The following SNED1 variants were observed in gnomAD, a reference collection of about 807,000 sequenced individuals.
SNED1 encodes sushi, nidogen and EGF-like domain-containing protein 1.
In SNED1, 81 loss-of-function variants were observed where a neutral mutation model predicts 166.7. The ratio of observed to expected loss-of-function variants is 0.49; its 90% CI spans 0.41 to 0.58. The LOEUF is 0.58. SNED1 is among the 20% of genes least tolerant of loss of function. The pLI is 0.00. For missense variants in SNED1, 1,604 were observed against 2,000.2 expected, an observed-to-expected ratio of 0.80 and a Z score of 3.78; for synonymous variants, 762 against 822.0, an observed-to-expected ratio of 0.93 and a Z score of 1.25.
At chr2:241,012,928 T>C (rs1162380548) in intron 1 of SNED1, among the ~76,000 whole-genome samples, 2 of 151,160 alleles carry the variant, frequency 1.3e-5, no homozygotes, top group East Asian at 2.0e-4. Flanking sequence ...CTCCGCCTCC[T>C]GGGTTCACGC....
chr2:241,090,524 C>G (rs2125349576), intron 31 of SNED1: 3 of 1,417,030 alleles, frequency 2.1e-6, no homozygotes, highest in Non-Finnish European at 2.8e-6. Context: ...ATTATGTACT[C>G]TACATAATTG....
chr2:241,071,578 C>T lies in SNED1; in HGVS notation c.3592C>T (p.Pro1198Ser). 2 of 1,584,958 alleles carry T rather than the reference C, an allele frequency of 1.3e-6. No individual in the cohort carries two copies. Among genetic ancestry groups the T allele is most frequent in the Non-Finnish European group, 8.5e-7 (1 of 1,173,108 alleles). ...EPAHLYIITSPRDGADRRWHQ... is the reference protein window; with the variant it reads ...EPAHLYIITSSRDGADRRWHQ... The stretch of plus-strand genomic sequence containing the variant: ...CCTTCCTCCTGCCTGCTCTGCAGCC[C>T]CCAGGGATGGCGCTGACAGACGCTG... Residue 1198 changes from proline to serine, a missense_variant and splice_region_variant, in exon 25 of 32, where the codon CCC (proline) becomes TCC (serine). Physicochemically the swap from Pro to Ser is moderately conservative, Grantham distance 74 (BLOSUM62 -1). Around this residue, in one of 2 missense-constraint regions of SNED1, gnomAD observed 367 missense variants for 379.4 expected, o/e 0.97. Coordinates refer to ENST00000310397, the MANE Select transcript of SNED1 (RefSeq NM_001080437.3).
intron 1 of SNED1, among the ~76,000 whole-genome samples, chr2:241,021,824 T>C (rs1038053031): frequency 3.9e-5 from 6 of 152,356 alleles, no homozygotes; most frequent in Admixed American, 1.3e-4. Flanking sequence ...TATTAATTCT[T>C]TGTTTAATTA....
At chr2:241,056,682 G>A (rs998008228) in intron 16 of SNED1, among the ~76,000 whole-genome samples, 10 of 143,272 alleles carry the variant, frequency 7.0e-5, no homozygotes, top group South Asian at 4.5e-4. Flanking sequence ...CTGGGTTCAC[G>A]CCATTCTCCT....
rs1408780045 is a variant in SNED1, at chr2:241,069,192, T to C, written c.3307+169T>C. Among the ~76,000 whole-genome samples, 5 of 152,194 alleles carry C rather than the reference T, an allele frequency of 3.3e-5. No individual in the cohort carries two copies. The highest frequency in any genetic ancestry group is 7.3e-5 in the Non-Finnish European group (5 of 68,028). Reference sequence around the variant, plus strand: ...GGCCACTGGGCAGGAGCCGCTGGGCTGGGCTGGGCCCTTGTGCTGGGACAG... The same window carrying C: ...GGCCACTGGGCAGGAGCCGCTGGGCCGGGCTGGGCCCTTGTGCTGGGACAG... On this transcript the variant is annotated intron_variant, in intron 23 of 31. Transcript: ENST00000310397. The surrounding 1 kb of genome is among the most constrained non-coding windows in gnomAD (Gnocchi z 4.9).
At chr2:241,049,984 C>G (rs1361040436) in intron 12 of SNED1, 51 bp downstream of exon 12, 1 of 1,326,244 alleles carries the variant, frequency 7.5e-7, no homozygotes, top group Admixed American at 1.7e-5. Flanking sequence ...GGAGAGCGCC[C>G]GCGGTCCGCC....
rs1463186575 is a variant in SNED1, at chr2:241,051,330, A to G, written c.1736-414A>G. The G allele has an allele frequency of 5.8e-6, 1 of 173,738 alleles. No individual in the cohort carries two copies. The highest frequency in any genetic ancestry group is 1.5e-4 in the East Asian group (1 of 6,460). The allele number at this position is 173,738 out of a possible 1,614,324, so 10.8% of individuals were successfully genotyped here. A position where few individuals can be genotyped will look rare whatever the true frequency, so the allele number is the denominator to read the frequency against. ...CAATGCCAATGCAGGTACAGAACAC[A>G]CAGAAATCCAGATTGACTGCTGGGG... is the stretch of plus-strand genomic sequence containing the variant. On this transcript the variant is annotated intron_variant, in intron 12 of 31. Transcript: ENST00000310397. This position sits in a 1 kb window ranked among gnomAD's most constrained non-coding sequence, Gnocchi z 4.7.
At position 241,069,781 on chromosome 2, in the gene SNED1, C is replaced by G. The variant is rs1034312000; in HGVS notation, c.3308-139C>G. The G allele has an allele frequency of 2.3e-5, 23 of 980,306 alleles. No homozygotes were observed. Among genetic ancestry groups the G allele is most frequent in the Non-Finnish European group, 3.4e-5 (23 of 674,672 alleles). 60.7% of individuals were successfully genotyped at this position (980,306 alleles called of 1,614,324 possible). On this transcript the variant is annotated intron_variant, in intron 23 of 31. Coordinates refer to ENST00000310397, the MANE Select transcript of SNED1 (RefSeq NM_001080437.3). The surrounding 1 kb of genome is among the most constrained non-coding windows in gnomAD (Gnocchi z 4.9). Reference sequence around the variant, plus strand: ...GTACGTGCCAGCCCACACCCCGCCTCGGCACTGTACCATTCTCCATAATAA... The same window carrying G: ...GTACGTGCCAGCCCACACCCCGCCTGGGCACTGTACCATTCTCCATAATAA...
chr2:241,028,816 G>A (rs1167031674), intron 1 of SNED1, among the ~76,000 whole-genome samples: 1 of 151,874 alleles, frequency 6.6e-6, no homozygotes, highest in African/African-American at 2.4e-5. Flanking sequence ...TTTATGTTCT[G>A]AGTCTGATAA....
At chr2:241,052,892 C>A (rs1034502460) in intron 15 of SNED1, among the ~76,000 whole-genome samples, 4 of 141,066 alleles carry the variant, frequency 2.8e-5, no homozygotes, top group Non-Finnish European at 4.7e-5. Flanking sequence ...CAGTGGCAGG[C>A]AGGTGAGAGG....
In SNED1 at chr2:241,069,092, C is replaced by G; in HGVS notation, c.3307+69C>G. 3.7e-6 allele frequency: 4 copies of G among 1,080,236 alleles called. No individual in the cohort carries two copies. Among genetic ancestry groups the G allele is most frequent in the Non-Finnish European group, 5.4e-6 (4 of 743,670 alleles). 66.9% of individuals were successfully genotyped at this position (1,080,236 alleles called of 1,614,324 possible). A position where few individuals can be genotyped will look rare whatever the true frequency, so the allele number is the denominator to read the frequency against. ...CTAGAAGCTCTGGCTTCCTTCCAGCCTCCCCTAGTCCTCTCCAAAGCGTCC... is the reference window on the plus strand; with the variant it reads ...CTAGAAGCTCTGGCTTCCTTCCAGCGTCCCCTAGTCCTCTCCAAAGCGTCC... On this transcript the variant is annotated intron_variant, in intron 23 of 31. Transcript: ENST00000310397. This position sits in a 1 kb window ranked among gnomAD's most constrained non-coding sequence, Gnocchi z 4.9.
chr2:241,037,728 C>A (rs2061417343), intron 6 of SNED1, among the ~76,000 whole-genome samples: 1 of 152,218 alleles, frequency 6.6e-6, no homozygotes, highest in African/African-American at 2.4e-5. Flanking sequence ...CAGCCCAGGA[C>A]CAGCTTGAGG....
At chr2:241,035,028 T>G (rs1220590658) in intron 4 of SNED1, among the ~76,000 whole-genome samples, 1 of 152,026 alleles carries the variant, frequency 6.6e-6, no homozygotes, top group Non-Finnish European at 1.5e-5. Flanking sequence ...GGGAACCCTC[T>G]GGAGACTGCG....
chr2:241,037,734 TGAG>T (rs1267160567), intron 6 of SNED1, among the ~76,000 whole-genome samples: 2 of 152,142 alleles, frequency 1.3e-5, no homozygotes, highest in Non-Finnish European at 2.9e-5. Context: ...AGGACCAGCT[TGAG>T]GGGAACGTGA....
rs1327583737 is a variant in SNED1 at position 241,051,724 on chromosome 2, C to T, written c.1736-20C>T. 1 of 1,460,020 alleles carries T rather than the reference C, an allele frequency of 6.8e-7. No individual in the cohort carries two copies. The highest frequency in any genetic ancestry group is 1.4e-5 in the African/African-American group (1 of 70,166). 90.4% of individuals were successfully genotyped at this position (1,460,020 alleles called of 1,614,324 possible). A position where few individuals can be genotyped will look rare whatever the true frequency, so the allele number is the denominator to read the frequency against. On this transcript the variant is annotated intron_variant, in intron 12 of 31. Coordinates refer to ENST00000310397, the MANE Select transcript of SNED1 (RefSeq NM_001080437.3). The surrounding 1 kb of genome is among the most constrained non-coding windows in gnomAD (Gnocchi z 4.7). Reference sequence around the variant, plus strand: ...CAGCAGCCTGGCCCCGTTCATCTGCCTCTCTGTCCTTCCACACAGCCCGGC... The same window carrying T: ...CAGCAGCCTGGCCCCGTTCATCTGCTTCTCTGTCCTTCCACACAGCCCGGC...
rs954618329 is a variant in SNED1 at position 241,013,633 on chromosome 2, AC to A, written c.213+14585del. Among the ~76,000 whole-genome samples, 8 of 152,068 alleles carry A rather than the reference AC, an allele frequency of 5.3e-5. No homozygotes were observed. Among genetic ancestry groups the A allele is most frequent in the Admixed American group, 4.6e-4 (7 of 15,278 alleles). On this transcript the variant is annotated intron_variant, in intron 1 of 31. Transcript: ENST00000310397. The surrounding 1 kb of genome is among the most constrained non-coding windows in gnomAD (Gnocchi z 4.6). ...GGGGGTTATAGGCGTGAACCACCACACCTGGCTGAGTTCAGCTATTTTAGAT... is the reference window on the plus strand; with the variant it reads ...GGGGGTTATAGGCGTGAACCACCACACTGGCTGAGTTCAGCTATTTTAGAT...
At chr2:241,012,125 G>T (rs1448854952) in intron 1 of SNED1, among the ~76,000 whole-genome samples, 3 of 151,118 alleles carry the variant, frequency 2.0e-5, no homozygotes, top group Admixed American at 2.0e-4. Context: ...GCCAGCTAAG[G>T]AAGAGCATGG....
chr2:241,037,827 T>G (rs2061420193), intron 6 of SNED1, among the ~76,000 whole-genome samples: 1 of 152,186 alleles, frequency 6.6e-6, no homozygotes, highest in Admixed American at 6.5e-5. Flanking sequence ...CTGCGGCTGC[T>G]CCTGGACGCT....
At chr2:241,032,476 G>A (rs1479290115) in intron 2 of SNED1, among the ~76,000 whole-genome samples, 4 of 141,218 alleles carry the variant, frequency 2.8e-5, no homozygotes, top group Admixed American at 7.0e-5. Flanking sequence ...ACACACCAGG[G>A]CCTGTCGTGG....
Sources: gnomAD v4.1 joint callset for allele counts (sites outside exome capture counted in the v4.1 genomes callset) on GRCh38, gnomAD v4.1.1 for gene constraint, gnomAD v4.1.1 regional missense constraint, Gnocchi (gnomAD v3.1) non-coding constraint, MANE v1.5 for transcripts, NCBI Gene and HGNC (gene_info 2026-07-23, HGNC 2026-07-21) for gene names.